ERCC8: variants seen among roughly 807,000 people sequenced by gnomAD.
The protein encoded by ERCC8 is ERCC excision repair 8, CSA ubiquitin ligase complex subunit.
A neutral mutation model predicts 54.9 loss-of-function variants in ERCC8; 52 were observed. That is an observed-to-expected ratio of 0.95 (90% confidence interval 0.76 to 1.19). The LOEUF (loss-of-function observed/expected upper bound fraction) is 1.19, where lower values mean the gene tolerates loss of function less well. Ranked by LOEUF, ERCC8 falls within the 50% of genes most tolerant of loss-of-function variation. The probability of loss-of-function intolerance (pLI) is 0.00; values close to 1 mark genes in which losing one functional copy is unlikely to be tolerated. For missense variants in ERCC8, 514 were observed against 466.1 expected (o/e 1.10, Z -0.95); for synonymous variants, 146 against 157.2 (o/e 0.93, Z 0.53).
chr5:60,880,785 T>G (rs1273106102), intron 11 of ERCC8, among the ~76,000 whole-genome samples: 2 of 152,210 alleles, frequency 1.3e-5, no homozygotes, highest in East Asian at 1.9e-4. Context: ...TTTCAAGGTT[T>G]TTAACTTCTT....
rs1310906579 is a variant in ERCC8, at chr5:60,887,734, T to C, written c.1042-214A>G. 4.6e-5 allele frequency among the ~76,000 whole-genome samples: 7 copies of C among 152,210 alleles called. 1 individual carries two copies. The highest frequency in any genetic ancestry group is 4.6e-4 in the Admixed American group (7 of 15,280). On this transcript the variant is annotated intron_variant, in intron 10 of 11. Coordinates refer to ENST00000676185, the MANE Select transcript of ERCC8 (RefSeq NM_000082.4). ...AATAGTATTAGGATTTGTCAGAGCT[T>C]ACTAATGGTGTGAAAATTTTACAAA...
intron 2 of ERCC8, among the ~76,000 whole-genome samples, chr5:60,925,083 T>C (rs2112526967): frequency 6.6e-6 from 1 of 152,302 alleles, no homozygotes; most frequent in East Asian, 1.9e-4. Context: ...TTGTAGGAAC[T>C]TTGACCTTAA....
At chr5:60,877,431 T>C (rs1384442753) in intron 11 of ERCC8, among the ~76,000 whole-genome samples, 3 of 152,206 alleles carry the variant, frequency 2.0e-5, no homozygotes, top group South Asian at 2.1e-4. Flanking sequence ...GGTAGCTTGA[T>C]GGGGATGGCA....
At chr5:60,935,954 G>T (rs1019055154) in intron 1 of ERCC8, among the ~76,000 whole-genome samples, 3 of 152,092 alleles carry the variant, frequency 2.0e-5, no homozygotes, top group Admixed American at 2.0e-4. Context: ...ATTTTGTTGG[G>T]GGTTTTTGCA....
intron 4 of ERCC8, chr5:60,915,196 A>G (rs1749396696): frequency 6.6e-6 from 1 of 152,042 alleles, no homozygotes; most frequent in African/African-American, 2.4e-5. Context: ...TCGTAAAGGC[A>G]CCTAGGCCTG....
In ERCC8 at chr5:60,918,335, T is replaced by G; in HGVS notation, c.329A>C (p.His110Pro). The stretch of plus-strand genomic sequence containing the variant: ...GCTTGATGTGAACATGCCAGTGTCA[T>G]GAGGATACCACTGTACAGTCTCCAC... ...YSVETVQWYP[H>P]DTGMFTSSSF... Residue 110 changes from histidine to proline, a missense_variant, in exon 4 of 12, where the codon CAT becomes CCT. Physicochemically the swap from His to Pro is moderately conservative, Grantham distance 77 (BLOSUM62 -2). Transcript: ENST00000676185. The G allele has an allele frequency of 1.2e-6, 2 of 1,600,702 alleles. No homozygotes were observed. Among genetic ancestry groups the G allele is most frequent in the Non-Finnish European group, 8.6e-7 (1 of 1,168,158 alleles).
At chr5:60,887,597 A>T in intron 10 of ERCC8, 77 bp from the exon 11 acceptor site, 1 of 1,043,666 alleles carries the variant, frequency 9.6e-7, no homozygotes, top group African/African-American at 1.6e-5. Flanking sequence ...TCATTTTTGA[A>T]ATAATTAGGT....
chr5:60,941,683 A>G lies in ERCC8; in HGVS notation c.77+3249T>C, dbSNP rs371960913. On this transcript the variant is annotated intron_variant, in intron 1 of 11. Coordinates refer to ENST00000676185, the MANE Select transcript of ERCC8 (RefSeq NM_000082.4). ...TCTTCAAAGCAACCAGAGAAAAATG[A>G]TAAATTACCTATAGGAAAACAATGA... Among the ~76,000 whole-genome samples the G allele has an allele frequency of 1.5e-3, 236 of 152,360 alleles. 1 individual carries two copies. Among genetic ancestry groups the G allele is most frequent in the African/African-American group, 5.5e-3 (229 of 41,578 alleles).
chr5:60,916,024 T>C (rs995350265), intron 4 of ERCC8, among the ~76,000 whole-genome samples: 2 of 152,012 alleles, frequency 1.3e-5, no homozygotes, highest in Admixed American at 6.6e-5. Flanking sequence ...TAGCAAGTAC[T>C]GCACTGCAAT....
At chr5:60,905,770 C>T (rs150889405) in intron 4 of ERCC8, among the ~76,000 whole-genome samples, 3 of 152,300 alleles carry the variant, frequency 2.0e-5, no homozygotes, top group Middle Eastern at 6.8e-3. Flanking sequence ...TGATGCAAGG[C>T]TGGCCAGGCC....
chr5:60,933,216 C>CTTTTTTTTTTTTT (rs143139297), intron 1 of ERCC8, among the ~76,000 whole-genome samples: 2 of 89,484 alleles, frequency 2.2e-5, no homozygotes, highest in Non-Finnish European at 4.1e-5. Context: ...CCTTTTTTTT[C>CTTTTTTTTTTTTT]TTTTTTTTTT....
At chr5:60,888,206 G>C (rs1365371173) in intron 10 of ERCC8, among the ~76,000 whole-genome samples, 2 of 152,052 alleles carry the variant, frequency 1.3e-5, no homozygotes, top group Non-Finnish European at 2.9e-5. Flanking sequence ...TGTGAGGCAT[G>C]GTATAATTGT....
intron 7 of ERCC8, 81 bp from the exon 8 acceptor site, chr5:60,899,808 C>T: frequency 9.9e-7 from 1 of 1,013,602 alleles, no homozygotes; most frequent in South Asian, 1.3e-5. Flanking sequence ...AATTTTATGG[C>T]ACACAGAGGT....
chr5:60,888,117 C>G (rs985419562), intron 10 of ERCC8, among the ~76,000 whole-genome samples: 1 of 152,006 alleles, frequency 6.6e-6, no homozygotes, highest in South Asian at 2.1e-4. Context: ...CCAACAAAAC[C>G]GAAGAAATAT....
intron 2 of ERCC8, among the ~76,000 whole-genome samples, chr5:60,922,620 T>C (rs927298670): frequency 6.6e-6 from 1 of 152,048 alleles, no homozygotes; most frequent in Admixed American, 6.6e-5. Flanking sequence ...TGAATCACAG[T>C]GTTGATAATA....
chr5:60,883,596 A>T (rs577501812), intron 11 of ERCC8, among the ~76,000 whole-genome samples: 1 of 152,342 alleles, frequency 6.6e-6, no homozygotes, highest in South Asian at 2.1e-4. Context: ...ATTTCTTGAT[A>T]ACTTTCAAAT....
chr5:60,913,379 T>A (rs1419903733), intron 4 of ERCC8, among the ~76,000 whole-genome samples: 1 of 152,172 alleles, frequency 6.6e-6, no homozygotes, highest in Non-Finnish European at 1.5e-5. Flanking sequence ...CTGATTTGCA[T>A]AGAGGTGTTT....
chr5:60,881,074 C>T (rs1157781370), intron 11 of ERCC8, among the ~76,000 whole-genome samples: 1 of 152,082 alleles, frequency 6.6e-6, no homozygotes, highest in East Asian at 1.9e-4. Context: ...GTTAGTTTTC[C>T]TTCTAACAGT....
intron 1 of ERCC8, among the ~76,000 whole-genome samples, chr5:60,931,299 TA>T (rs1376848633): frequency 6.6e-6 from 1 of 152,124 alleles, no homozygotes; most frequent in Non-Finnish European, 1.5e-5. Context: ...ACTTTAACAT[TA>T]AATTTTTTTT....
Sources: gnomAD v4.1 joint callset for allele counts (sites outside exome capture counted in the v4.1 genomes callset) on GRCh38, gnomAD v4.1.1 for gene constraint, MANE v1.5 for transcripts, NCBI Gene and HGNC (gene_info 2026-07-23, HGNC 2026-07-21) for gene names.